The following KIRREL3 variants were observed in gnomAD, a reference collection of about 807,000 sequenced individuals.
KIRREL3 encodes kin of IRRE-like protein 3.
A neutral mutation model predicts 89.7 loss-of-function variants in KIRREL3; 36 were observed. The ratio of observed to expected loss-of-function variants is 0.40; its 90% CI spans 0.31 to 0.53. The LOEUF (loss-of-function observed/expected upper bound fraction) is 0.53. Among genes scored for constraint, KIRREL3 ranks in the 20% least tolerant of loss-of-function variants. The pLI is 0.49. For missense variants in KIRREL3, 864 were observed against 1,056.6 expected (o/e 0.82, Z 2.53); for synonymous variants, 445 against 441.4 (o/e 1.01, Z -0.10).
chr11:126,681,193 A>G (rs957224723), intron 1 of KIRREL3, among the ~76,000 whole-genome samples: 2 of 152,128 alleles, frequency 1.3e-5, no homozygotes, highest in African/African-American at 4.8e-5. Flanking sequence ...TCGCCTGGAT[A>G]CAGCTTACTC....
In KIRREL3 at chr11:126,797,434, CG is replaced by C. The variant is rs1051955726; in HGVS notation, c.55+203020del. On this transcript the variant is annotated intron_variant, in intron 1 of 16. Transcript: ENST00000525144. This position sits in a 1 kb window ranked among gnomAD's most constrained non-coding sequence, Gnocchi z 4.9. ...GTTGGAAGAATCTGCTGGTCAGTGT[CG>C]GGGGCCCTTCAACTTCTGCTTGCAG... 1.3e-5 allele frequency among the ~76,000 whole-genome samples: 2 copies of C among 152,072 alleles called. No individual in the cohort carries two copies. The highest frequency in any genetic ancestry group is 4.8e-5 in the African/African-American group (2 of 41,390).
In KIRREL3 at chr11:126,995,497, G is replaced by T; in HGVS notation, c.55+4958C>A. On this transcript the variant is annotated intron_variant, in intron 1 of 16. Transcript: ENST00000525144. This position sits in a 1 kb window ranked among gnomAD's most constrained non-coding sequence, Gnocchi z 6.5. ...CATCTCGACAATTTACAAGGATAAG[G>T]ATTGTAGCTGCAAAATAATGCCTAT... 2.7e-6 allele frequency: 1 copy of T among 365,018 alleles called. No homozygotes were observed. The highest frequency in any genetic ancestry group is 2.1e-5 in the South Asian group (1 of 48,524). The allele number at this position is 365,018 out of a possible 1,614,324, so 22.6% of individuals were successfully genotyped here.
In KIRREL3 at chr11:126,837,307, A is replaced by C. The variant is rs2134509040; in HGVS notation, c.55+163148T>G. On this transcript the variant is annotated intron_variant, in intron 1 of 16. Coordinates refer to ENST00000525144, the MANE Select transcript of KIRREL3 (RefSeq NM_032531.4). The surrounding 1 kb of genome is among the most constrained non-coding windows in gnomAD (Gnocchi z 4.7). ...GTGTCTGACAGCTAGTAAATGTTCAATACAAATTAATCTCCTTTCTTTTTC... is the reference window on the plus strand; with the variant it reads ...GTGTCTGACAGCTAGTAAATGTTCACTACAAATTAATCTCCTTTCTTTTTC... 6.6e-6 allele frequency among the ~76,000 whole-genome samples: 1 copy of C among 152,364 alleles called. No homozygotes were observed. The highest frequency in any genetic ancestry group is 1.5e-5 in the Non-Finnish European group (1 of 68,042).
intron 1 of KIRREL3, among the ~76,000 whole-genome samples, chr11:126,699,670 C>T (rs1006791865): frequency 6.6e-6 from 1 of 152,044 alleles, no homozygotes; most frequent in African/African-American, 2.4e-5. Flanking sequence ...TTGAGCTGGC[C>T]ATGCTTCAAA....
chr11:126,616,980 A>G (rs781682740), intron 1 of KIRREL3, among the ~76,000 whole-genome samples: 2 of 152,252 alleles, frequency 1.3e-5, no homozygotes, highest in Non-Finnish European at 2.9e-5. Context: ...AGTGAAAGCC[A>G]GAGAGTCTTA....
upstream of KIRREL3, chr11:127,002,798 T>C (rs922814059): frequency 6.6e-6 from 1 of 152,210 alleles, no homozygotes; most frequent in Non-Finnish European, 1.5e-5. Context: ...GGCCCAGATT[T>C]GCTTAATTCA....
chr11:126,789,699 C>G (rs1467115085), intron 1 of KIRREL3, among the ~76,000 whole-genome samples: 2 of 152,210 alleles, frequency 1.3e-5, no homozygotes, highest in African/African-American at 4.8e-5. Context: ...CTAGTCCAAA[C>G]TTCTCCAGAT....
At chr11:126,437,799 A>T (rs941449114) in intron 11 of KIRREL3, among the ~76,000 whole-genome samples, 2 of 152,222 alleles carry the variant, frequency 1.3e-5, no homozygotes, top group Admixed American at 6.5e-5. Flanking sequence ...GCTTACACAC[A>T]TGTACATACC....
At chr11:126,602,378 C>T (rs1942698366) in intron 1 of KIRREL3, among the ~76,000 whole-genome samples, 1 of 152,220 alleles carries the variant, frequency 6.6e-6, no homozygotes, top group Non-Finnish European at 1.5e-5. Context: ...GCCCTTTCCA[C>T]CTGGGCCCCA....
intron 1 of KIRREL3, among the ~76,000 whole-genome samples, chr11:126,913,890 A>G (rs759902379): frequency 1.3e-5 from 2 of 152,192 alleles, no homozygotes; most frequent in Non-Finnish European, 2.9e-5. Flanking sequence ...AGTGTGCTTC[A>G]GAGGAAGCTC....
At chr11:126,672,984 G>A (rs929947150) in intron 1 of KIRREL3, among the ~76,000 whole-genome samples, 5 of 152,172 alleles carry the variant, frequency 3.3e-5, no homozygotes, top group Non-Finnish European at 7.3e-5. Context: ...TAACAAATAG[G>A]CTTGAGTTTC....
chr11:126,849,818 A>G (rs1432175705), intron 1 of KIRREL3, among the ~76,000 whole-genome samples: 1 of 152,162 alleles, frequency 6.6e-6, no homozygotes, highest in Non-Finnish European at 1.5e-5. Flanking sequence ...TTGAGGATGG[A>G]GGTGCCTGGA....
upstream of KIRREL3, among the ~76,000 whole-genome samples, chr11:127,001,879 C>T (rs1045188122): frequency 6.6e-5 from 10 of 151,776 alleles, no homozygotes; most frequent in Non-Finnish European, 1.2e-4. Flanking sequence ...AAATATTCAA[C>T]GTTATGCACT....
chr11:126,487,685 T>C (rs1298792887), intron 4 of KIRREL3, among the ~76,000 whole-genome samples: 1 of 152,280 alleles, frequency 6.6e-6, no homozygotes, highest in African/African-American at 2.4e-5. Flanking sequence ...TTAATTCTCA[T>C]CTACAGTCTG....
chr11:126,921,625 C>CCTAT (rs1565419630), intron 1 of KIRREL3, among the ~76,000 whole-genome samples: 7 of 72,632 alleles, frequency 9.6e-5, no homozygotes, highest in East Asian at 5.0e-4. Flanking sequence ...TATCTATCTT[C>CCTAT]CTATCTATCC....
rs549463995 is a variant in KIRREL3 at position 126,687,207 on chromosome 11, C to T, written c.56-124295G>A. Among the ~76,000 whole-genome samples the T allele has an allele frequency of 5.9e-5, 9 of 152,166 alleles. No homozygotes were observed. Among genetic ancestry groups the T allele is most frequent in the African/African-American group, 1.2e-4 (5 of 41,432 alleles). Reference sequence around the variant, plus strand: ...ATCAAACGTGCTGAGCCCTGCCTTGCGCCAGGCAGTGAGCTAGTCCTTATT... The same window carrying T: ...ATCAAACGTGCTGAGCCCTGCCTTGTGCCAGGCAGTGAGCTAGTCCTTATT... On this transcript the variant is annotated intron_variant, in intron 1 of 16. Transcript: ENST00000525144. This position sits in a 1 kb window ranked among gnomAD's most constrained non-coding sequence, Gnocchi z 4.6.
At position 126,429,389 on chromosome 11, in the gene KIRREL3, A is replaced by T; in HGVS notation, c.1697-101T>A. The T allele has an allele frequency of 1.3e-6, 1 of 776,796 alleles. No homozygotes were observed. Among genetic ancestry groups the T allele is most frequent in the South Asian group, 1.5e-5 (1 of 67,906 alleles). 48.1% of individuals were successfully genotyped at this position (776,796 alleles called of 1,614,324 possible). ...CTGCCCCTGCCCTGCCACCCTCTGC[A>T]TTTCCCCTCCAGCCCCTGAACTCAG... On this transcript the variant is annotated intron_variant, in intron 14 of 16. Transcript: ENST00000525144. The surrounding 1 kb of genome is among the most constrained non-coding windows in gnomAD (Gnocchi z 5.2).
intron 4 of KIRREL3, among the ~76,000 whole-genome samples, chr11:126,517,084 AC>A (rs1427360747): frequency 6.6e-6 from 1 of 150,970 alleles, no homozygotes; most frequent in Non-Finnish European, 1.5e-5. Context: ...CAAAAAACAA[AC>A]CAAAAAAGTG....
intron 1 of KIRREL3, among the ~76,000 whole-genome samples, chr11:126,660,749 A>G (rs928227321): frequency 6.6e-6 from 1 of 152,206 alleles, no homozygotes; most frequent in Non-Finnish European, 1.5e-5. Flanking sequence ...CAGCTAGAAC[A>G]TGCACTGACT....
Sources: gnomAD v4.1 joint callset for allele counts (sites outside exome capture counted in the v4.1 genomes callset) on GRCh38, gnomAD v4.1.1 for gene constraint, Gnocchi (gnomAD v3.1) non-coding constraint, MANE v1.5 for transcripts, NCBI Gene and HGNC (gene_info 2026-07-23, HGNC 2026-07-21) for gene names.